Variants in EIPR1 observed in about 807,000 individuals in gnomAD.
The protein encoded by EIPR1 is EARP complex and GARP complex interacting protein 1.
Under a neutral mutation model 48.1 loss-of-function variants are expected in EIPR1, and 25 were observed. The observed-to-expected ratio is 0.52, with a 90% CI of 0.38 to 0.73. EIPR1 has a LOEUF of 0.73. EIPR1 is among the 30% of genes least tolerant of loss of function. EIPR1 has a pLI of 0.00. For missense variants in EIPR1, 415 were observed against 506.2 expected, an observed-to-expected ratio of 0.82 and a Z score of 1.73; for synonymous variants, 204 against 201.9, an observed-to-expected ratio of 1.01 and a Z score of -0.09.
rs762268379 is a variant in EIPR1, at chr2:3,257,403, T to C, written c.312A>G (p.Glu104=). ...TCAAVWRMPK[E]LESGSHESPD... is the part of the protein sequence containing the mutation. ...GGGACTCGTGGCTGCCTGATTCCAATTCCTTCGGCATCCTCCACACGGCTG... is the reference window on the plus strand; with the variant it reads ...GGGACTCGTGGCTGCCTGATTCCAACTCCTTCGGCATCCTCCACACGGCTG... Residue 104 remains glutamate, a synonymous_variant, in exon 4 of 9, where the codon GAA becomes GAG. Transcript: ENST00000382125. 3 of 1,614,166 alleles carry C rather than the reference T, an allele frequency of 1.9e-6. No homozygotes were observed. In the Admixed American group the frequency reaches 5.0e-5, roughly 27 times the overall value.
chr2:3,359,827 T>C (rs1214741207), intron 1 of EIPR1, among the ~76,000 whole-genome samples: 1 of 152,222 alleles, frequency 6.6e-6, no homozygotes, highest in Non-Finnish European at 1.5e-5. Flanking sequence ...ACACATTCTG[T>C]CTTGGTTCAT....
chr2:3,370,996 G>A (rs1459557853), intron 1 of EIPR1, among the ~76,000 whole-genome samples: 3 of 152,166 alleles, frequency 2.0e-5, no homozygotes, highest in Admixed American at 6.5e-5. Context: ...GAGAAAGGTC[G>A]GGTTACCCAC....
At chr2:3,270,662 T>G (rs543276309) in intron 3 of EIPR1, among the ~76,000 whole-genome samples, 1 of 152,386 alleles carries the variant, frequency 6.6e-6, no homozygotes, top group African/African-American at 2.4e-5. Flanking sequence ...GGGAATATCT[T>G]GATTTTAAAA....
intron 1 of EIPR1, among the ~76,000 whole-genome samples, chr2:3,362,236 C>A (rs1350027742): frequency 6.6e-6 from 1 of 151,624 alleles, no homozygotes; most frequent in Non-Finnish European, 1.5e-5. Flanking sequence ...CAGGGGTGAG[C>A]CCCTTCCCCA....
intron 3 of EIPR1, among the ~76,000 whole-genome samples, chr2:3,266,639 G>A (rs1363458772): frequency 6.6e-6 from 1 of 152,208 alleles, no homozygotes; most frequent in Non-Finnish European, 1.5e-5. Context: ...AGCAGGAGGT[G>A]GTGCCAGCAT....
chr2:3,247,573 G>A (rs1281753333), intron 4 of EIPR1, among the ~76,000 whole-genome samples: 4 of 152,168 alleles, frequency 2.6e-5, no homozygotes, highest in Admixed American at 2.0e-4. Flanking sequence ...CTTTATCAGG[G>A]CTCCGAAGGG....
intron 3 of EIPR1, among the ~76,000 whole-genome samples, chr2:3,310,519 G>A (rs916029924): frequency 3.9e-4 from 57 of 145,694 alleles, no homozygotes; most frequent in East Asian, 1.7e-3. Context: ...CGGGCGTAGT[G>A]GCGGGCGCCT....
At position 3,254,032 on chromosome 2, in the gene EIPR1, C is replaced by G. The variant is rs569552408; in HGVS notation, c.416+3267G>C. ...CTCCCAGGTGGCCAGAAGCTTTGTG[C>G]AGTAAACATCTCCTGGAGCTGTTCT... is the stretch of plus-strand genomic sequence containing the variant. On this transcript the variant is annotated intron_variant, in intron 4 of 8. Coordinates refer to ENST00000382125, the MANE Select transcript of EIPR1 (RefSeq NM_003310.5). 6.6e-5 allele frequency among the ~76,000 whole-genome samples: 10 copies of G among 152,264 alleles called. No individual in the cohort carries two copies. The South Asian group carries it at 1.9e-3, about 28-fold the overall frequency.
chr2:3,298,385 G>C (rs569962078), intron 3 of EIPR1: 2 of 152,288 alleles, frequency 1.3e-5, no homozygotes, highest in South Asian at 4.2e-4. Context: ...GGTTGTGTGG[G>C]AGAGAATCCA....
At chr2:3,230,346 GGT>G (rs1666203670) in intron 4 of EIPR1, among the ~76,000 whole-genome samples, 1 of 152,108 alleles carries the variant, frequency 6.6e-6, no homozygotes, top group Non-Finnish European at 1.5e-5. Flanking sequence ...ACTCTTTGTG[GGT>G]GTGTGTGGGG....
At position 3,199,035 on chromosome 2, in the gene EIPR1, C is replaced by A. The variant is rs193170102; in HGVS notation, c.517-2018G>T. Among the ~76,000 whole-genome samples, 655 of 135,462 alleles carry A rather than the reference C, an allele frequency of 4.8e-3. 1 individual carries two copies. Among genetic ancestry groups the A allele is most frequent in the Non-Finnish European group, 9.1e-3 (557 of 61,480 alleles). The allele number at this position is 135,462 out of a possible 152,430, so 88.9% of individuals were successfully genotyped here. A position where few individuals can be genotyped will look rare whatever the true frequency, so the allele number is the denominator to read the frequency against. Reference sequence around the variant, plus strand: ...CTCATCTGCAACTGCATATGGCAGACACCCCCAGAGTGGCCATTTTAGAGG... The same window carrying A: ...CTCATCTGCAACTGCATATGGCAGAAACCCCCAGAGTGGCCATTTTAGAGG... On this transcript the variant is annotated intron_variant, in intron 5 of 8. Coordinates refer to ENST00000382125, the MANE Select transcript of EIPR1 (RefSeq NM_003310.5).
intron 4 of EIPR1, among the ~76,000 whole-genome samples, chr2:3,225,963 G>A (rs1418014737): frequency 6.6e-6 from 1 of 152,218 alleles, no homozygotes; most frequent in East Asian, 1.9e-4. Flanking sequence ...CAAACGGCAG[G>A]ACGGCCTTCT....
intron 3 of EIPR1, among the ~76,000 whole-genome samples, chr2:3,283,961 A>G (rs988631901): frequency 1.3e-4 from 20 of 150,936 alleles, no homozygotes; most frequent in Non-Finnish European, 8.9e-5. Flanking sequence ...AAAAAAAAAA[A>G]AAAAGAAAGA....
chr2:3,242,813 T>C (rs1422863660), intron 4 of EIPR1, among the ~76,000 whole-genome samples: 4 of 152,236 alleles, frequency 2.6e-5, no homozygotes, highest in Non-Finnish European at 4.4e-5. Context: ...ACAAATCGTT[T>C]ACAACACACA....
intron 1 of EIPR1, among the ~76,000 whole-genome samples, chr2:3,357,145 A>G (rs116176692): frequency 6.6e-6 from 1 of 152,340 alleles, no homozygotes; most frequent in African/African-American, 2.4e-5. Flanking sequence ...TCCAGCAGGT[A>G]TTTGGACCTG....
chr2:3,192,849 C>T (rs1572272448), intron 7 of EIPR1, among the ~76,000 whole-genome samples: 1 of 142,932 alleles, frequency 7.0e-6, no homozygotes, highest in Admixed American at 7.3e-5. Flanking sequence ...CGCAACATTT[C>T]AGACAAGCTT....
intron 3 of EIPR1, among the ~76,000 whole-genome samples, chr2:3,287,514 AGTTT>A (rs1481454563): frequency 6.6e-6 from 1 of 151,432 alleles, no homozygotes; most frequent in African/African-American, 2.4e-5. Context: ...CACTCCAGAA[AGTTT>A]GTTCACCACG....
chr2:3,206,926 G>A (rs938763646), intron 5 of EIPR1, among the ~76,000 whole-genome samples: 4 of 152,156 alleles, frequency 2.6e-5, no homozygotes, highest in South Asian at 2.1e-4. Flanking sequence ...AAAGCACGCC[G>A]GATCCCTCAT....
intron 4 of EIPR1, among the ~76,000 whole-genome samples, chr2:3,229,195 C>T (rs1009948349): frequency 5.3e-5 from 8 of 152,120 alleles, no homozygotes; most frequent in Non-Finnish European, 1.0e-4. Flanking sequence ...AAAGATTTTG[C>T]TGGTGATCCA....
Sources: gnomAD v4.1 joint callset for allele counts (sites outside exome capture counted in the v4.1 genomes callset) on GRCh38, gnomAD v4.1.1 for gene constraint, MANE v1.5 for transcripts, NCBI Gene and HGNC (gene_info 2026-07-23, HGNC 2026-07-21) for gene names.